The following SEZ6 variants were observed in gnomAD, a reference collection of about 807,000 sequenced individuals.
SEZ6 encodes the protein seizure related 6 homolog.
A neutral mutation model predicts 101.0 loss-of-function variants in SEZ6; 53 were observed. That is an observed-to-expected ratio of 0.52 (90% CI 0.42 to 0.66). SEZ6 has a LOEUF of 0.66. Ranked by LOEUF, SEZ6 falls within the 30% of genes least tolerant of loss-of-function variation. The probability of loss-of-function intolerance (pLI) is 0.00; values close to 1 mark genes in which losing one functional copy is unlikely to be tolerated. For missense variants in SEZ6, 1,102 were observed against 1,289.4 expected (o/e 0.85, Z 2.23); for synonymous variants, 488 against 512.2 (o/e 0.95, Z 0.64).
In SEZ6 at chr17:29,006,028, C is replaced by T; in HGVS notation, c.-159G>A. 1.9e-6 allele frequency: 1 copy of T among 526,320 alleles called. No homozygotes were observed. Among genetic ancestry groups the T allele is most frequent in the Non-Finnish European group, 2.8e-6 (1 of 357,454 alleles). The allele number at this position is 526,320 out of a possible 1,614,324, so 32.6% of individuals were successfully genotyped here. ...CGCCGCCAGCGCCTGACAGAATCAG[C>T]ACCACGGCCAGCGCCTGGCGACGGC... On this transcript the variant is annotated 5_prime_UTR_variant, in exon 1 of 17. Coordinates refer to ENST00000317338, the MANE Select transcript of SEZ6 (RefSeq NM_178860.5).
intron 1 of SEZ6, among the ~76,000 whole-genome samples, chr17:28,999,162 G>A (rs915161460): frequency 5.3e-5 from 8 of 152,144 alleles, no homozygotes; most frequent in African/African-American, 1.7e-4. Context: ...GAAACAGAGA[G>A]AGCCATCTGG....
At position 28,959,542 on chromosome 17, in the gene SEZ6, G is replaced by T. The variant is rs2040942596; in HGVS notation, c.1772-70C>A. ...TGGTGTTGCTTACCATCTGCCCGCAGGAGTGCCCACAAATTGCTGGGACCC... is the reference window on the plus strand; with the variant it reads ...TGGTGTTGCTTACCATCTGCCCGCATGAGTGCCCACAAATTGCTGGGACCC... On this transcript the variant is annotated intron_variant, in intron 8 of 16. Coordinates refer to ENST00000317338, the MANE Select transcript of SEZ6 (RefSeq NM_178860.5). The surrounding 1 kb of genome is among the most constrained non-coding windows in gnomAD (Gnocchi z 4.4). 2.5e-6 allele frequency: 4 copies of T among 1,576,528 alleles called. No individual in the cohort carries two copies. The highest frequency in any genetic ancestry group is 2.6e-6 in the Non-Finnish European group (3 of 1,162,340).
intron 1 of SEZ6, among the ~76,000 whole-genome samples, chr17:29,004,280 C>CCAGGACCCAT (rs1169387316): frequency 6.6e-6 from 1 of 152,202 alleles, no homozygotes; most frequent in Non-Finnish European, 1.5e-5. Context: ...CTGTCCAGCG[C>CCAGGACCCAT]CAGGACCCAT....
chr17:28,958,516 G>A (rs1348853090), intron 10 of SEZ6, among the ~76,000 whole-genome samples: 1 of 152,180 alleles, frequency 6.6e-6, no homozygotes, highest in Non-Finnish European at 1.5e-5. Flanking sequence ...CTGGCCAGGT[G>A]CAGTGGCTCA....
At chr17:28,963,820 G>T (rs1188766602) in intron 5 of SEZ6, 142 bp downstream of exon 5, 3 of 921,510 alleles carry the variant, frequency 3.3e-6, no homozygotes, top group Admixed American at 2.0e-5. Flanking sequence ...GTGCAGGTTG[G>T]ATGAATGCCA....
intron 4 of SEZ6, among the ~76,000 whole-genome samples, chr17:28,967,209 A>G (rs1219279189): frequency 6.6e-6 from 1 of 152,238 alleles, no homozygotes; most frequent in South Asian, 2.1e-4. Context: ...CCTCACATCT[A>G]CATGTACTTT....
Position 28,981,361 on chromosome 17 carries a change from G to C in SEZ6, c.724+10C>G, listed in dbSNP as rs754789937. On this transcript the variant is annotated intron_variant, in intron 2 of 16. Transcript: ENST00000317338. Reference sequence around the variant, plus strand: ...CCATTTCCACATCTGCAAGCCAGCAGGTAGCTGACCTGGTGTCTGGACTGT... The same window carrying C: ...CCATTTCCACATCTGCAAGCCAGCACGTAGCTGACCTGGTGTCTGGACTGT... The C allele has an allele frequency of 6.5e-7, 1 of 1,536,676 alleles. No homozygotes were observed. Among genetic ancestry groups the C allele is most frequent in the South Asian group, 1.2e-5 (1 of 82,884 alleles).
rs1040355394 is a variant in SEZ6, at chr17:29,005,715, T to G, written c.55+100A>C. 11 of 1,250,524 alleles carry G rather than the reference T, an allele frequency of 8.8e-6. No individual in the cohort carries two copies. The African/African-American group carries it at 9.5e-5, about 11-fold the overall frequency. The allele number at this position is 1,250,524 out of a possible 1,614,324, so 77.5% of individuals were successfully genotyped here. A position where few individuals can be genotyped will look rare whatever the true frequency, so the allele number is the denominator to read the frequency against. ...AGCCGGCGGGGCGCGGTGCTTGGAC[T>G]GGGCAGCCAGATGCCCGAAGCTGGG... On this transcript the variant is annotated intron_variant, in intron 1 of 16. Coordinates refer to ENST00000317338, the MANE Select transcript of SEZ6 (RefSeq NM_178860.5). This position sits in a 1 kb window ranked among gnomAD's most constrained non-coding sequence, Gnocchi z 4.8.
intron 1 of SEZ6, among the ~76,000 whole-genome samples, chr17:28,999,933 C>G (rs1277024452): frequency 6.6e-6 from 1 of 152,166 alleles, no homozygotes; most frequent in Non-Finnish European, 1.5e-5. Flanking sequence ...ATTCCTTTGC[C>G]ACTAATGACT....
At chr17:28,966,216 C>T (rs981350640) in intron 4 of SEZ6, among the ~76,000 whole-genome samples, 1 of 150,722 alleles carries the variant, frequency 6.6e-6, no homozygotes, top group Non-Finnish European at 1.5e-5. Context: ...CACGGTGGCT[C>T]ACACCTGTAA....
In SEZ6 at chr17:28,955,857, A is replaced by G; in HGVS notation, c.*105T>C. ...TTGGTGGCATCTCCTCCTAGGTGGT[A>G]TATACAGGAGGTGGAGGGACAGCAG... On this transcript the variant is annotated 3_prime_UTR_variant, in exon 17 of 17. Transcript: ENST00000317338. The G allele has an allele frequency of 8.0e-7, 1 of 1,245,504 alleles. No individual in the cohort carries two copies. The allele number at this position is 1,245,504 out of a possible 1,614,324, so 77.2% of individuals were successfully genotyped here. A position where few individuals can be genotyped will look rare whatever the true frequency, so the allele number is the denominator to read the frequency against.
intron 3 of SEZ6, among the ~76,000 whole-genome samples, chr17:28,976,288 G>T (rs1427062815): frequency 6.6e-6 from 1 of 152,182 alleles, no homozygotes; most frequent in Non-Finnish European, 1.5e-5. Flanking sequence ...CCTGAGGCTG[G>T]TCCTCCAAAA....
At chr17:28,964,195 C>CGGGGGGGGGGG in intron 4 of SEZ6, 48 bp from the exon 5 acceptor site, 2 of 761,984 alleles carry the variant, frequency 2.6e-6, no homozygotes, top group Non-Finnish European at 3.9e-6. Flanking sequence ...AGGGTGGGGG[C>CGGGGGGGGGGG]GGGAGCTGGG....
At chr17:29,000,620 G>A (rs1001879800) in intron 1 of SEZ6, among the ~76,000 whole-genome samples, 2 of 152,150 alleles carry the variant, frequency 1.3e-5, no homozygotes, top group African/African-American at 4.8e-5. Flanking sequence ...CTCCATTAAA[G>A]GGCATGTAGG....
chr17:29,004,958 C>T (rs1253825356), intron 1 of SEZ6, among the ~76,000 whole-genome samples: 1 of 152,092 alleles, frequency 6.6e-6, no homozygotes. Context: ...CTAGAGGGGG[C>T]GCGGGGATTC....
In SEZ6 at chr17:28,957,062, G is replaced by T; in HGVS notation, c.2675C>A (p.Pro892Gln). ...GCACTCACCAGCCCTACAGATGGGT[G>T]GGGGGTCACTCCAATGCGAGGGGTG... The part of the protein sequence containing the change: ...PGHPSHWSDP[P>Q]PICRAASLDG... The change falls in exon 13 of 17, where the codon CCA becomes CAA. Residue 892 changes from proline to glutamine, a missense_variant. Around this residue, in one of 3 missense-constraint regions of SEZ6, gnomAD observed 140 missense variants for 135.7 expected, o/e 1.03. Transcript: ENST00000317338. 1.9e-6 allele frequency: 3 copies of T among 1,598,196 alleles called. No individual in the cohort carries two copies. The highest frequency in any genetic ancestry group is 1.7e-6 in the Non-Finnish European group (2 of 1,169,874).
chr17:28,963,922 T>C (rs952649557), intron 5 of SEZ6, 40 bp downstream of exon 5: 1 of 1,571,936 alleles, frequency 6.4e-7, no homozygotes, highest in Non-Finnish European at 8.6e-7. Context: ...CCCACCTCAC[T>C]TCTCTGCTCA....
At chr17:28,974,373 C>T (rs1047148098) in intron 3 of SEZ6, among the ~76,000 whole-genome samples, 22 of 152,164 alleles carry the variant, frequency 1.4e-4, no homozygotes, top group Admixed American at 1.4e-3. Flanking sequence ...AGAAAATAAC[C>T]CACCAATCCA....
chr17:28,989,402 G>C (rs1024935051), intron 1 of SEZ6, among the ~76,000 whole-genome samples: 34 of 152,182 alleles, frequency 2.2e-4, no homozygotes, highest in African/African-American at 7.2e-4. Flanking sequence ...AGGACACTGA[G>C]ACCCAGGGAA....
Sources: gnomAD v4.1 joint callset for allele counts (sites outside exome capture counted in the v4.1 genomes callset) on GRCh38, gnomAD v4.1.1 for gene constraint, gnomAD v4.1.1 regional missense constraint, Gnocchi (gnomAD v3.1) non-coding constraint, MANE v1.5 for transcripts, NCBI Gene and HGNC (gene_info 2026-07-23, HGNC 2026-07-21) for gene names.